TNFRSF13C: variants seen among roughly 807,000 people sequenced by gnomAD.
TNFRSF13C encodes the protein TNF receptor superfamily member 13C.
A neutral mutation model predicts 12.1 loss-of-function variants in TNFRSF13C; 7 were observed. The observed-to-expected ratio is 0.58, with a 90% confidence interval of 0.33 to 1.08. The LOEUF (loss-of-function observed/expected upper bound fraction) is 1.08, where lower values mean the gene tolerates loss of function less well. Among genes scored for constraint, TNFRSF13C ranks in the 50% least tolerant of loss-of-function variants. TNFRSF13C has a pLI of 0.04. For missense variants in TNFRSF13C, 260 were observed against 265.9 expected (o/e 0.98, Z 0.15); for synonymous variants, 157 against 130.8 (o/e 1.20, Z -1.37).
rs1391847499 is a variant in TNFRSF13C, at chr22:41,923,173, C to G, written c.*2194G>C. 6.4e-6 allele frequency: 1 copy of G among 155,702 alleles called. No homozygotes were observed. The highest frequency in any genetic ancestry group is 1.4e-5 in the Non-Finnish European group (1 of 69,240). 9.6% of individuals were successfully genotyped at this position (155,702 alleles called of 1,614,324 possible). On this transcript the variant is annotated 3_prime_UTR_variant, in exon 3 of 3. Coordinates refer to ENST00000291232, the MANE Select transcript of TNFRSF13C (RefSeq NM_052945.4). The stretch of plus-strand genomic sequence containing the variant: ...GAGAAGCAGGGGTCTACAGGTGGCT[C>G]TGGTGGCAGCTCAGGGGGAGGCAGG...
chr22:41,925,456 G>T lies in TNFRSF13C; in HGVS notation c.466C>A (p.Pro156Thr), dbSNP rs749009000. 5.6e-6 allele frequency: 9 copies of T among 1,612,734 alleles called. No individual in the cohort carries two copies. Among genetic ancestry groups the T allele is most frequent in the Non-Finnish European group, 7.6e-6 (9 of 1,180,004 alleles). The stretch of plus-strand genomic sequence containing the variant: ...GGCACAGGGACACTGTGGCCAGGTG[G>T]GGTGGTTCCTGGGTCTTCCCCAGGA... ...PPPGEDPGTT[P>T]PGHSVPVPAT... Residue 156 changes from proline to threonine, a missense_variant, in exon 3 of 3, where the codon CCA becomes ACA. Pro to Thr is a conservative substitution (Grantham distance 38). Coordinates refer to ENST00000291232, the MANE Select transcript of TNFRSF13C (RefSeq NM_052945.4).
At chr22:41,925,734 G>A (rs879821140) in intron 2 of TNFRSF13C, among the ~76,000 whole-genome samples, 180 bp from the exon 3 acceptor site, 2 of 152,156 alleles carry the variant, frequency 1.3e-5, no homozygotes, top group Non-Finnish European at 2.9e-5. Context: ...AGGGCAGGGA[G>A]TTGGGGAGCT....
chr22:41,926,218 G>A lies in TNFRSF13C; in HGVS notation c.250C>T (p.Leu84=). The A allele has an allele frequency of 6.3e-7, 1 of 1,596,640 alleles. No individual in the cohort carries two copies. Residue 84 remains leucine (L), a synonymous_variant, in exon 2 of 3, where the codon CTG becomes TTG. Transcript: ENST00000291232. The surrounding 1 kb of genome is among the most constrained non-coding windows in gnomAD (Gnocchi z 4.9). ...GCCAGGACCAGTGCCAGGCCCAGCA[G>A]CGCGGGGGCGCCAAAGAGCAGCCCG... ...LPGLLFGAPA[L]LGLALVLALV...
At position 41,926,766 on chromosome 22, in the gene TNFRSF13C, C is replaced by A. The variant is rs2077635492; in HGVS notation, c.8G>T (p.Arg3Leu). The A allele has an allele frequency of 1.5e-5, 20 of 1,350,240 alleles. No homozygotes were observed. The highest frequency in any genetic ancestry group is 8.9e-5 in the South Asian group (5 of 56,112). The allele number at this position is 1,350,240 out of a possible 1,614,324, so 83.6% of individuals were successfully genotyped here. The change falls in exon 1 of 3, where the codon CGA becomes CTA. Residue 3 changes from arginine to leucine, a missense_variant. Coordinates refer to ENST00000291232, the MANE Select transcript of TNFRSF13C (RefSeq NM_052945.4). This position sits in a 1 kb window ranked among gnomAD's most constrained non-coding sequence, Gnocchi z 4.9. Reference protein sequence around the residue: MRRGPRSLRGRDA... With the variant: MRLGPRSLRGRDA... ...CCTGCCCCGCAGGCTCCGGGGCCCT[C>A]GCCTCATGGTGCCGACGCCGCCGCA...
rs1487854653 is a variant in TNFRSF13C, at chr22:41,925,412, G to A, written c.510C>T (p.Ser170=). ...SVPVPATELG[S]TELVTTKTAG... ...CCGTCTTGGTGGTCACCAGTTCAGT[G>A]GAGCCCAGCTCTGTGGCTGGCACAG... Residue 170 remains serine, a synonymous_variant, in exon 3 of 3, where the codon TCC becomes TCT. Coordinates refer to ENST00000291232, the MANE Select transcript of TNFRSF13C (RefSeq NM_052945.4). The A allele has an allele frequency of 6.2e-7, 1 of 1,610,218 alleles. No individual in the cohort carries two copies. Among genetic ancestry groups the A allele is most frequent in the East Asian group, 2.2e-5 (1 of 44,888 alleles).
Position 41,926,073 on chromosome 22 carries a change from G to T in TNFRSF13C, c.367+28C>A. Reference sequence around the variant, plus strand: ...CACCCCAGCCCCTGCGCCCCGCTCAGACTGGTTCCCCTACACACGGAACTC... The same window carrying T: ...CACCCCAGCCCCTGCGCCCCGCTCATACTGGTTCCCCTACACACGGAACTC... On this transcript the variant is annotated intron_variant, in intron 2 of 2. Coordinates refer to ENST00000291232, the MANE Select transcript of TNFRSF13C (RefSeq NM_052945.4). This position sits in a 1 kb window ranked among gnomAD's most constrained non-coding sequence, Gnocchi z 4.9. 1 of 1,612,098 alleles carries T rather than the reference G, an allele frequency of 6.2e-7. No individual in the cohort carries two copies. Among genetic ancestry groups the T allele is most frequent in the South Asian group, 1.1e-5 (1 of 90,972 alleles).
rs1216121786 is a variant in TNFRSF13C at position 41,925,551 on chromosome 22, G to C, written c.371C>G (p.Pro124Arg). 6.2e-7 allele frequency: 1 copy of C among 1,612,428 alleles called. No homozygotes were observed. Among genetic ancestry groups the C allele is most frequent in the East Asian group, 2.2e-5 (1 of 44,884 alleles). Residue 124 changes from proline to arginine, a missense_variant, in exon 3 of 3, where the codon CCA (proline) becomes CGA (arginine). Physicochemically the swap from Pro to Arg is moderately radical, Grantham distance 103. Transcript: ENST00000291232. The part of the protein sequence containing the change: ...AEAPDGDKDA[P>R]EPLDKVIILS... ...AATGATGACCTTGTCCAGGGGCTCT[G>C]GGGCTGCAGGCAGAGGGGGTAGAGG...
At position 41,926,750 on chromosome 22, in the gene TNFRSF13C, C is replaced by G; in HGVS notation, c.24G>C (p.Leu8=). Residue 8 remains leucine (L), a synonymous_variant, in exon 1 of 3, where the codon CTG becomes CTC. Transcript: ENST00000291232. The surrounding 1 kb of genome is among the most constrained non-coding windows in gnomAD (Gnocchi z 4.9). MRRGPRS[L]RGRDAPAPTP... is the part of the protein sequence containing the mutation. ...TGGGGGCTGGCGCGTCCCTGCCCCGCAGGCTCCGGGGCCCTCGCCTCATGG... is the reference window on the plus strand; with the variant it reads ...TGGGGGCTGGCGCGTCCCTGCCCCGGAGGCTCCGGGGCCCTCGCCTCATGG... 1 of 1,379,522 alleles carries G rather than the reference C, an allele frequency of 7.2e-7. No homozygotes were observed. The highest frequency in any genetic ancestry group is 9.3e-7 in the Non-Finnish European group (1 of 1,069,688). The allele number at this position is 1,379,522 out of a possible 1,614,324, so 85.5% of individuals were successfully genotyped here.
rs781263826 is a variant in TNFRSF13C at position 41,926,087 on chromosome 22, C to G, written c.367+14G>C. 2.5e-6 allele frequency: 4 copies of G among 1,612,396 alleles called. No homozygotes were observed. In the Admixed American group the frequency reaches 6.7e-5, roughly 27 times the overall value. On this transcript the variant is annotated intron_variant, in intron 2 of 2. Coordinates refer to ENST00000291232, the MANE Select transcript of TNFRSF13C (RefSeq NM_052945.4). The surrounding 1 kb of genome is among the most constrained non-coding windows in gnomAD (Gnocchi z 4.9). ...CGCCCCGCTCAGACTGGTTCCCCTA[C>G]ACACGGAACTCACCGTCCTTGTCTC...
Position 41,922,821 on chromosome 22 carries a change from TG to T in TNFRSF13C, c.*2545del, listed in dbSNP as rs917209930. 6.9e-5 allele frequency: 2 copies of T among 28,908 alleles called. No individual in the cohort carries two copies. The highest frequency in any genetic ancestry group is 3.0e-4 in the African/African-American group (2 of 6,718). The allele number at this position is 28,908 out of a possible 1,614,324, so 1.8% of individuals were successfully genotyped here. On this transcript the variant is annotated 3_prime_UTR_variant, in exon 3 of 3. Coordinates refer to ENST00000291232, the MANE Select transcript of TNFRSF13C (RefSeq NM_052945.4). The stretch of plus-strand genomic sequence containing the variant: ...GGCCAGGAGAAGATGGGGTGGGAGC[TG>T]GGGTGGCCAGGAAAAGATGGGGTGG...
rs750334567 is a variant in TNFRSF13C, at chr22:41,924,949, C to CAAAAAAAAAAAAAAAAAAAA, written c.*398_*417dup. On this transcript the variant is annotated 3_prime_UTR_variant, in exon 3 of 3. Coordinates refer to ENST00000291232, the MANE Select transcript of TNFRSF13C (RefSeq NM_052945.4). ...CCTGGCGACAGAGCAAGACTCGTCT[C>CAAAAAAAAAAAAAAAAAAAA]AAAAAAAAAAAAAAAAAAAAAAAAA... is the stretch of plus-strand genomic sequence containing the variant. The CAAAAAAAAAAAAAAAAAAAA allele has an allele frequency of 8.8e-5, 4 of 45,318 alleles. No individual in the cohort carries two copies. Among genetic ancestry groups the CAAAAAAAAAAAAAAAAAAAA allele is most frequent in the African/African-American group, 3.1e-4 (3 of 9,724 alleles). 2.8% of individuals were successfully genotyped at this position (45,318 alleles called of 1,614,324 possible). A position where few individuals can be genotyped will look rare whatever the true frequency, so the allele number is the denominator to read the frequency against.
rs2077632415 is a variant in TNFRSF13C, at chr22:41,926,445, G to A, written c.137-114C>T. The A allele has an allele frequency of 9.3e-7, 1 of 1,070,360 alleles. No homozygotes were observed. The highest frequency in any genetic ancestry group is 1.2e-6 in the Non-Finnish European group (1 of 810,172). 66.3% of individuals were successfully genotyped at this position (1,070,360 alleles called of 1,614,324 possible). A position where few individuals can be genotyped will look rare whatever the true frequency, so the allele number is the denominator to read the frequency against. On this transcript the variant is annotated intron_variant, in intron 1 of 2. Coordinates refer to ENST00000291232, the MANE Select transcript of TNFRSF13C (RefSeq NM_052945.4). This position sits in a 1 kb window ranked among gnomAD's most constrained non-coding sequence, Gnocchi z 4.9. The stretch of plus-strand genomic sequence containing the variant: ...CCGGGGAGGGGAGGGACAGCCGGGG[G>A]GCGGTGGACAAGGGGAGGGAGAGAG...
rs1476525646 is a variant in TNFRSF13C, at chr22:41,925,306, T to C, written c.*61A>G. 2.6e-6 allele frequency: 4 copies of C among 1,514,476 alleles called. No individual in the cohort carries two copies. The highest frequency in any genetic ancestry group is 3.5e-6 in the Non-Finnish European group (4 of 1,133,716). The allele number at this position is 1,514,476 out of a possible 1,614,324, so 93.8% of individuals were successfully genotyped here. A position where few individuals can be genotyped will look rare whatever the true frequency, so the allele number is the denominator to read the frequency against. ...GCTGGAGTGAAGAGCTGAATTTGATTTCCAAGCCCCTGGCTGGGGGTCCAG... is the reference window on the plus strand; with the variant it reads ...GCTGGAGTGAAGAGCTGAATTTGATCTCCAAGCCCCTGGCTGGGGGTCCAG... On this transcript the variant is annotated 3_prime_UTR_variant, in exon 3 of 3. Transcript: ENST00000291232.
In TNFRSF13C at chr22:41,926,780, G is replaced by A; in HGVS notation, c.-7C>T. 1 of 1,323,600 alleles carries A rather than the reference G, an allele frequency of 7.6e-7. No homozygotes were observed. The highest frequency in any genetic ancestry group is 9.6e-7 in the Non-Finnish European group (1 of 1,039,788). 82.0% of individuals were successfully genotyped at this position (1,323,600 alleles called of 1,614,324 possible). A position where few individuals can be genotyped will look rare whatever the true frequency, so the allele number is the denominator to read the frequency against. ...TCCGGGGCCCTCGCCTCATGGTGCC[G>A]ACGCCGCCGCACAAGCTGCGGGGAC... On this transcript the variant is annotated 5_prime_UTR_variant, in exon 1 of 3. Coordinates refer to ENST00000291232, the MANE Select transcript of TNFRSF13C (RefSeq NM_052945.4). The surrounding 1 kb of genome is among the most constrained non-coding windows in gnomAD (Gnocchi z 4.9).
chr22:41,925,124 G>T lies in TNFRSF13C; in HGVS notation c.*243C>A, dbSNP rs1405664924. ...GTGCCCCAGCCTTTTGAAGGCACAG[G>T]AACAGGAGCTGGGCTACCACCTTCA... On this transcript the variant is annotated 3_prime_UTR_variant, in exon 3 of 3. Transcript: ENST00000291232. The T allele has an allele frequency of 4.1e-6, 2 of 487,892 alleles. No homozygotes were observed. The highest frequency in any genetic ancestry group is 3.6e-6 in the Non-Finnish European group (1 of 274,046). The allele number at this position is 487,892 out of a possible 1,614,324, so 30.2% of individuals were successfully genotyped here. A position where few individuals can be genotyped will look rare whatever the true frequency, so the allele number is the denominator to read the frequency against.
Position 41,926,376 on chromosome 22 carries a change from A to G in TNFRSF13C, c.137-45T>C, listed in dbSNP as rs1602374085. On this transcript the variant is annotated intron_variant, in intron 1 of 2. Transcript: ENST00000291232. The surrounding 1 kb of genome is among the most constrained non-coding windows in gnomAD (Gnocchi z 4.9). ...GGAGGGAGGCCAGGGGGCCGAGGGG[A>G]GGGAGGAGCGGGGACGGGGAGGGGC... is the stretch of plus-strand genomic sequence containing the variant. The G allele has an allele frequency of 4.4e-6, 3 of 674,574 alleles. No homozygotes were observed. The highest frequency in any genetic ancestry group is 5.6e-5 in the African/African-American group (2 of 35,664). The allele number at this position is 674,574 out of a possible 1,614,324, so 41.8% of individuals were successfully genotyped here.
In TNFRSF13C at chr22:41,926,629, C is replaced by T. The variant is rs995150120; in HGVS notation, c.136+9G>A. On this transcript the variant is annotated intron_variant, in intron 1 of 2. Coordinates refer to ENST00000291232, the MANE Select transcript of TNFRSF13C (RefSeq NM_052945.4). This position sits in a 1 kb window ranked among gnomAD's most constrained non-coding sequence, Gnocchi z 4.9. ...TGCCGGCGCCGCGCGCCCCGTGGGT[C>T]CCCCTTACCCGGTTTCGGCCGCGGC... 1.4e-6 allele frequency: 2 copies of T among 1,437,068 alleles called. No individual in the cohort carries two copies. Among genetic ancestry groups the T allele is most frequent in the Admixed American group, 2.7e-5 (1 of 37,282 alleles). The allele number at this position is 1,437,068 out of a possible 1,614,324, so 89.0% of individuals were successfully genotyped here.
chr22:41,926,203 G>A lies in TNFRSF13C; in HGVS notation c.265C>T (p.Leu89=), dbSNP rs1188025208. Residue 89 remains leucine (L), a synonymous_variant, in exon 2 of 3, where the codon CTG becomes TTG. Coordinates refer to ENST00000291232, the MANE Select transcript of TNFRSF13C (RefSeq NM_052945.4). This position sits in a 1 kb window ranked among gnomAD's most constrained non-coding sequence, Gnocchi z 4.9. ...CCCACCAGGACCAGCGCCAGGACCA[G>A]TGCCAGGCCCAGCAGCGCGGGGGCG... The part of the protein sequence containing the change: ...FGAPALLGLA[L]VLALVLVGLV... 6.2e-7 allele frequency: 1 copy of A among 1,606,768 alleles called. No homozygotes were observed. Among genetic ancestry groups the A allele is most frequent in the African/African-American group, 1.3e-5 (1 of 74,892 alleles).
chr22:41,925,778 T>TG (rs2077625812), intron 2 of TNFRSF13C, among the ~76,000 whole-genome samples: 3 of 152,170 alleles, frequency 2.0e-5, no homozygotes, highest in Admixed American at 2.0e-4. Context: ...CAGGGATTTA[T>TG]GGGGGAACCA....
Sources: gnomAD v4.1 joint callset for allele counts (sites outside exome capture counted in the v4.1 genomes callset) on GRCh38, gnomAD v4.1.1 for gene constraint, Gnocchi (gnomAD v3.1) non-coding constraint, MANE v1.5 for transcripts, NCBI Gene and HGNC (gene_info 2026-07-23, HGNC 2026-07-21) for gene names.